Variants in IPMK observed in about 807,000 individuals in gnomAD.
The protein encoded by IPMK is inositol polyphosphate multikinase.
In IPMK, 17 loss-of-function variants were observed where a neutral mutation model predicts 45.8. The ratio of observed to expected loss-of-function variants is 0.37; its 90% CI spans 0.25 to 0.56. IPMK has a LOEUF of 0.56. IPMK is among the 20% of genes least tolerant of loss of function. The pLI is 0.79. For missense variants in IPMK, 399 were observed against 498.0 expected (o/e 0.80, Z 1.89); for synonymous variants, 180 against 184.3 (o/e 0.98, Z 0.19).
intron 1 of IPMK, among the ~76,000 whole-genome samples, chr10:58,239,359 C>G (rs1838663351): frequency 1.3e-5 from 2 of 152,094 alleles, no homozygotes; most frequent in Non-Finnish European, 2.9e-5. Flanking sequence ...ATAACATTTT[C>G]TGTGGGGCTT....
At chr10:58,212,938 T>C (rs953251664) in intron 4 of IPMK, 5 of 215,420 alleles carry the variant, frequency 2.3e-5, no homozygotes, top group Middle Eastern at 6.1e-4. Context: ...CATATTCCCC[T>C]CCACCACCAG....
At chr10:58,244,453 C>T (rs1838762140) in intron 1 of IPMK, among the ~76,000 whole-genome samples, 1 of 141,730 alleles carries the variant, frequency 7.1e-6, no homozygotes, top group East Asian at 2.3e-4. Flanking sequence ...GTGAGGAGCA[C>T]CTCTGCCCGG....
intron 3 of IPMK, among the ~76,000 whole-genome samples, chr10:58,217,156 C>CTTTTTTTTT (rs58314639): frequency 4.9e-5 from 5 of 102,906 alleles, no homozygotes; most frequent in Admixed American, 1.1e-4. Context: ...GCCCATCTTG[C>CTTTTTTTTT]TTTTTTTTTT....
intron 4 of IPMK, among the ~76,000 whole-genome samples, chr10:58,208,329 A>T (rs2790161): frequency 0.34 from 51,437 of 151,936 alleles, 10,954 homozygotes; most frequent in African/African-American, 0.61. Context: ...TTATATGGCA[A>T]TTCAGAGATT....
At chr10:58,209,314 G>A (rs968468523) in intron 4 of IPMK, among the ~76,000 whole-genome samples, 2 of 152,168 alleles carry the variant, frequency 1.3e-5, no homozygotes, top group Non-Finnish European at 2.9e-5. Context: ...GCCTGTTGCA[G>A]TGTATATGCA....
intron 2 of IPMK, among the ~76,000 whole-genome samples, chr10:58,236,918 A>G (rs949786926): frequency 6.6e-6 from 1 of 152,046 alleles, no homozygotes; most frequent in Non-Finnish European, 1.5e-5. Flanking sequence ...AAAAATGCAA[A>G]AATTAGCCGG....
At chr10:58,230,520 A>T (rs1015145360) in intron 2 of IPMK, among the ~76,000 whole-genome samples, 7 of 152,190 alleles carry the variant, frequency 4.6e-5, no homozygotes, top group African/African-American at 1.7e-4. Context: ...TCCACTGGTG[A>T]TAACCAGGCA....
At chr10:58,216,440 C>A in intron 3 of IPMK, 123 bp from the exon 4 acceptor site, 4 of 450,624 alleles carry the variant, frequency 8.9e-6, no homozygotes, top group Non-Finnish European at 1.1e-5. Flanking sequence ...AATGTAAAGT[C>A]AATAATTATT....
Position 58,267,585 on chromosome 10 carries a change from G to T in IPMK, c.27C>A (p.Leu9=). ...CTGGGGGGCCCGGCGCCTCGACCCGGAGGGGGGATGGTGGCTCTGTTGCCA... is the reference window on the plus strand; with the variant it reads ...CTGGGGGGCCCGGCGCCTCGACCCGTAGGGGGGATGGTGGCTCTGTTGCCA... MATEPPSP[L]RVEAPGPPEM... Residue 9 remains leucine, a synonymous_variant, in exon 1 of 6, where the codon CTC becomes CTA. Coordinates refer to ENST00000373935, the MANE Select transcript of IPMK (RefSeq NM_152230.5). 6.2e-7 allele frequency: 1 copy of T among 1,604,822 alleles called. No individual in the cohort carries two copies. Among genetic ancestry groups the T allele is most frequent in the Admixed American group, 1.7e-5 (1 of 59,040 alleles).
intron 1 of IPMK, among the ~76,000 whole-genome samples, chr10:58,253,169 C>A (rs1848453061): frequency 1.3e-5 from 2 of 152,174 alleles, no homozygotes; most frequent in Non-Finnish European, 2.9e-5. Flanking sequence ...AGTTCCACTG[C>A]ACAAGCTGTC....
intron 3 of IPMK, among the ~76,000 whole-genome samples, chr10:58,217,846 C>T (rs1162186885): frequency 6.6e-6 from 1 of 151,868 alleles, no homozygotes; most frequent in Admixed American, 6.6e-5. Context: ...TGTTTATTTT[C>T]TCTGAATTAA....
intron 2 of IPMK, among the ~76,000 whole-genome samples, chr10:58,234,034 G>A (rs904185120): frequency 6.6e-6 from 1 of 152,140 alleles, no homozygotes; most frequent in Non-Finnish European, 1.5e-5. Flanking sequence ...GACAAACAGA[G>A]AGCCAAATCA....
At chr10:58,232,549 T>C (rs1036700178) in intron 2 of IPMK, among the ~76,000 whole-genome samples, 2 of 152,128 alleles carry the variant, frequency 1.3e-5, no homozygotes, top group African/African-American at 4.8e-5. Flanking sequence ...CACAACTACA[T>C]GGAAACTGAA....
chr10:58,266,097 C>A (rs927170610), intron 1 of IPMK, among the ~76,000 whole-genome samples: 3 of 152,142 alleles, frequency 2.0e-5, no homozygotes, highest in African/African-American at 4.8e-5. Flanking sequence ...CTATGCTGAG[C>A]AACTTGAGGA....
At position 58,193,117 on chromosome 10, in the gene IPMK, A is replaced by C. The variant is rs945257307; in HGVS notation, c.*2959T>G. 1 of 151,994 alleles carries C rather than the reference A, an allele frequency of 6.6e-6. No homozygotes were observed. Among genetic ancestry groups the C allele is most frequent in the African/African-American group, 2.4e-5 (1 of 41,454 alleles). The allele number at this position is 151,994 out of a possible 1,614,324, so 9.4% of individuals were successfully genotyped here. A position where few individuals can be genotyped will look rare whatever the true frequency, so the allele number is the denominator to read the frequency against. Reference sequence around the variant, plus strand: ...CTATAATATTCCAACCCCTAGAAACAAATGTATTTTCAGTAGCATGAAACA... The same window carrying C: ...CTATAATATTCCAACCCCTAGAAACCAATGTATTTTCAGTAGCATGAAACA... On this transcript the variant is annotated 3_prime_UTR_variant, in exon 6 of 6. Transcript: ENST00000373935.
Position 58,267,424 on chromosome 10 carries a change from A to G in IPMK, c.188T>C (p.Val63Ala). 1 of 1,613,556 alleles carries G rather than the reference A, an allele frequency of 6.2e-7. No homozygotes were observed. Among genetic ancestry groups the G allele is most frequent in the Admixed American group, 1.7e-5 (1 of 59,966 alleles). Reference sequence around the variant, plus strand: ...AGACCTATGCCACCCCCACTTACCCACTTTGTCCTTCCCGTACATGTGCCC... The same window carrying G: ...AGACCTATGCCACCCCCACTTACCCGCTTTGTCCTTCCCGTACATGTGCCC... Reference protein sequence around the residue: ...VAGHMYGKDKVGILQHPDGTV... With the variant: ...VAGHMYGKDKAGILQHPDGTV... The change falls in exon 1 of 6, where the codon GTG becomes GCG. Residue 63 changes from valine (V) to alanine (A), a missense_variant and splice_region_variant. Transcript: ENST00000373935.
In IPMK at chr10:58,193,859, G is replaced by C. The variant is rs1353758290; in HGVS notation, c.*2217C>G. 6.6e-6 allele frequency: 1 copy of C among 151,706 alleles called. No homozygotes were observed. The highest frequency in any genetic ancestry group is 6.6e-5 in the Admixed American group (1 of 15,242). The allele number at this position is 151,706 out of a possible 1,614,324, so 9.4% of individuals were successfully genotyped here. Reference sequence around the variant, plus strand: ...GACTAAGATAGTCACATGTAGATTAGATAAACAGATACTTATTCTGTTATA... The same window carrying C: ...GACTAAGATAGTCACATGTAGATTACATAAACAGATACTTATTCTGTTATA... On this transcript the variant is annotated 3_prime_UTR_variant, in exon 6 of 6. Coordinates refer to ENST00000373935, the MANE Select transcript of IPMK (RefSeq NM_152230.5).
intron 1 of IPMK, among the ~76,000 whole-genome samples, chr10:58,259,917 T>C (rs1474143316): frequency 6.6e-6 from 1 of 152,180 alleles, no homozygotes. Context: ...TAGTACTATA[T>C]GAGTCTGTCA....
chr10:58,233,565 CA>C (rs1357912471), intron 2 of IPMK, among the ~76,000 whole-genome samples: 1 of 152,020 alleles, frequency 6.6e-6, no homozygotes, highest in South Asian at 2.1e-4. Flanking sequence ...GAACCAACGA[CA>C]AAAAACATGA....
Sources: allele counts gnomAD v4.1 joint callset (sites outside exome capture counted in the v4.1 genomes callset), GRCh38; gene constraint gnomAD v4.1.1; transcripts MANE v1.5; gene names NCBI Gene and HGNC (gene_info 2026-07-23, HGNC 2026-07-21).